CAPN7: variants seen among roughly 807,000 people sequenced by gnomAD.
The protein encoded by CAPN7 is calpain 7, also known as calpain-7.
In CAPN7, 72 loss-of-function variants were observed where a neutral mutation model predicts 115.2. That is an observed-to-expected ratio of 0.63 (90% CI 0.52 to 0.76). CAPN7 has a LOEUF of 0.76. Among genes scored for constraint, CAPN7 ranks in the 30% least tolerant of loss-of-function variants. CAPN7 has a pLI of 0.00. For missense variants in CAPN7, 905 were observed against 971.5 expected, an observed-to-expected ratio of 0.93 and a Z score of 0.91; for synonymous variants, 344 against 322.3, an observed-to-expected ratio of 1.07 and a Z score of -0.72.
chr3:15,213,879 A>ATTT (rs113975216), intron 2 of CAPN7, among the ~76,000 whole-genome samples: 3 of 137,434 alleles, frequency 2.2e-5, no homozygotes, highest in African/African-American at 2.8e-5. Flanking sequence ...TTCAAAAAGG[A>ATTT]TTTTTTTTTT....
intron 6 of CAPN7, among the ~76,000 whole-genome samples, chr3:15,225,188 T>C (rs970652366): frequency 6.6e-6 from 1 of 152,230 alleles, no homozygotes; most frequent in Non-Finnish European, 1.5e-5. Context: ...CATCATTTTG[T>C]TAGTTACTAA....
chr3:15,236,828 G>A (rs1014669983), intron 12 of CAPN7, among the ~76,000 whole-genome samples: 1 of 152,218 alleles, frequency 6.6e-6, no homozygotes, highest in Non-Finnish European at 1.5e-5. Flanking sequence ...TGGTACACCT[G>A]TATAGGGCAC....
intron 9 of CAPN7, among the ~76,000 whole-genome samples, chr3:15,231,510 C>G (rs1218533484): frequency 2.0e-5 from 3 of 151,576 alleles, no homozygotes; most frequent in African/African-American, 7.3e-5. Flanking sequence ...AATCAAAATT[C>G]TTATCCTCAT....
chr3:15,245,750 C>G, intron 17 of CAPN7, 79 bp downstream of exon 17: 2 of 1,199,934 alleles, frequency 1.7e-6, no homozygotes, highest in Middle Eastern at 4.1e-4. Context: ...GTGGTATTAT[C>G]TGGAGAAAAA....
intron 17 of CAPN7, 32 bp downstream of exon 17, chr3:15,245,703 C>G (rs372862848): frequency 1.6e-5 from 25 of 1,596,376 alleles, no homozygotes; most frequent in Non-Finnish European, 2.1e-5. Flanking sequence ...TGACAAAACA[C>G]AGTAATATAA....
At chr3:15,240,991 C>T (rs969342218) in intron 14 of CAPN7, 138 bp downstream of exon 14, 14 of 562,606 alleles carry the variant, frequency 2.5e-5, no homozygotes, top group Non-Finnish European at 4.0e-5. Context: ...GATCAGTTGA[C>T]CTCAGGAGTT....
At chr3:15,248,283 T>C (rs1041297341) in intron 19 of CAPN7, among the ~76,000 whole-genome samples, 2 of 152,204 alleles carry the variant, frequency 1.3e-5, no homozygotes, top group Non-Finnish European at 2.9e-5. Context: ...GAAACATATA[T>C]TCATTGACAA....
At chr3:15,217,190 G>A (rs1693670243) in intron 2 of CAPN7, among the ~76,000 whole-genome samples, 1 of 151,562 alleles carries the variant, frequency 6.6e-6, no homozygotes, top group Admixed American at 6.6e-5. Context: ...AGAGGCTGCA[G>A]TCAGCTGTGA....
chr3:15,230,515 C>T lies in CAPN7; in HGVS notation c.1012C>T (p.Leu338Phe), dbSNP rs757350256. ...PCGKYMVKLH[L>F]NGVPRKVIID... ...TGGGAAGTATATGGTAAAACTTCAC[C>T]TCAATGGTGTCCCAAGAAAGGTGAA... The change falls in exon 9 of 21, where the codon CTC (leucine) becomes TTC (phenylalanine). Residue 338 changes from leucine to phenylalanine, a missense_variant. Leu to Phe is a conservative substitution (Grantham distance 22, BLOSUM62 0). Coordinates refer to ENST00000253693, the MANE Select transcript of CAPN7 (RefSeq NM_014296.3). 4 of 1,609,280 alleles carry T rather than the reference C, an allele frequency of 2.5e-6. No homozygotes were observed. The East Asian group carries it at 8.9e-5, about 36-fold the overall frequency.
intron 5 of CAPN7, among the ~76,000 whole-genome samples, chr3:15,222,529 T>A (rs557282285): frequency 1.3e-5 from 2 of 152,236 alleles, no homozygotes; most frequent in African/African-American, 4.8e-5. Context: ...CCTTTCCTGC[T>A]GAAGATTGTA....
rs760458935 is a variant in CAPN7, at chr3:15,247,424, C to G, written c.2171C>G (p.Thr724Ser). 1.2e-6 allele frequency: 2 copies of G among 1,607,138 alleles called. No individual in the cohort carries two copies. The highest frequency in any genetic ancestry group is 2.2e-5 in the South Asian group (2 of 89,390). The part of the protein sequence containing the change: ...NPIYQFHIEK[T>S]GPLLIELRGP... ...ATCTACCAATTCCATATAGAAAAGA[C>G]TGGGCCGTTACTGATTGAGCTACGA... Residue 724 changes from threonine to serine, a missense_variant, in exon 19 of 21, where the codon ACT becomes AGT. Physicochemically the swap from Thr to Ser is moderately conservative, Grantham distance 58. This residue lies in a region of CAPN7 where 620 missense variants were observed against 703.4 expected (regional missense o/e 0.88). Coordinates refer to ENST00000253693, the MANE Select transcript of CAPN7 (RefSeq NM_014296.3).
chr3:15,206,310 G>A lies in CAPN7; in HGVS notation c.-186G>A. 2 of 527,998 alleles carry A rather than the reference G, an allele frequency of 3.8e-6. No homozygotes were observed. Among genetic ancestry groups the A allele is most frequent in the Non-Finnish European group, 6.6e-6 (2 of 301,018 alleles). 32.7% of individuals were successfully genotyped at this position (527,998 alleles called of 1,614,324 possible). On this transcript the variant is annotated 5_prime_UTR_variant, in exon 1 of 21. Coordinates refer to ENST00000253693, the MANE Select transcript of CAPN7 (RefSeq NM_014296.3). ...CTACAAGCCGGGTCTGGGCTGAGGG[G>A]CGCGGCTTCGCGGTGGACCCCAGCC...
chr3:15,223,360 G>C (rs898686836), intron 5 of CAPN7, 115 bp from the exon 6 acceptor site: 1 of 678,210 alleles, frequency 1.5e-6, no homozygotes, highest in Non-Finnish European at 2.6e-6. Context: ...ACATGAGGTT[G>C]TCAGTTTAAT....
intron 16 of CAPN7, among the ~76,000 whole-genome samples, chr3:15,244,188 A>G (rs1439380149): frequency 6.6e-6 from 1 of 152,198 alleles, no homozygotes; most frequent in Admixed American, 6.5e-5. Flanking sequence ...ATAGGGAAGT[A>G]TGGCATTCTT....
chr3:15,231,481 A>G (rs1463665930), intron 9 of CAPN7, among the ~76,000 whole-genome samples: 2 of 152,116 alleles, frequency 1.3e-5, no homozygotes, highest in African/African-American at 4.8e-5. Flanking sequence ...TGTATGGCAT[A>G]ATCTTCCTAT....
intron 4 of CAPN7, among the ~76,000 whole-genome samples, chr3:15,219,006 C>G (rs561072007): frequency 6.6e-6 from 1 of 152,314 alleles, no homozygotes; most frequent in South Asian, 2.1e-4. Context: ...TGAATCTCCC[C>G]CAGCAGTTGC....
At chr3:15,246,914 C>T (rs186205310) in intron 18 of CAPN7, 120 bp downstream of exon 18, 24 of 765,822 alleles carry the variant, frequency 3.1e-5, no homozygotes, top group East Asian at 2.9e-4. Context: ...ATAAGGGAAA[C>T]GTAAATGGCC....
At chr3:15,233,675 GA>G (rs1248938202) in intron 10 of CAPN7, among the ~76,000 whole-genome samples, 191 bp from the exon 11 acceptor site, 1 of 152,108 alleles carries the variant, frequency 6.6e-6, no homozygotes, top group Non-Finnish European at 1.5e-5. Context: ...AGATTGTAGG[GA>G]AAAATATGCA....
intron 4 of CAPN7, among the ~76,000 whole-genome samples, chr3:15,220,261 T>C (rs1200258720): frequency 6.6e-6 from 1 of 152,192 alleles, no homozygotes; most frequent in Non-Finnish European, 1.5e-5. Flanking sequence ...GTTTCATACT[T>C]CTGCACGTTT....
Sources: allele counts gnomAD v4.1 joint callset (sites outside exome capture counted in the v4.1 genomes callset), GRCh38; gene constraint gnomAD v4.1.1; regional missense constraint gnomAD v4.1.1; transcripts MANE v1.5; gene names NCBI Gene and HGNC (gene_info 2026-07-23, HGNC 2026-07-21).